CASZ1: variants seen among roughly 807,000 people sequenced by gnomAD.
The protein encoded by CASZ1 is castor zinc finger 1, also known as zinc finger protein castor homolog 1.
In CASZ1, 28 loss-of-function variants were observed where a neutral mutation model predicts 135.2. The observed-to-expected ratio is 0.21, with a 90% CI of 0.15 to 0.28. The LOEUF (loss-of-function observed/expected upper bound fraction) is 0.28. Ranked by LOEUF, CASZ1 falls within the 10% of genes least tolerant of loss-of-function variation. The pLI, the probability that CASZ1 is intolerant of heterozygous loss-of-function variation, is 1.00. For missense variants in CASZ1, 2,161 were observed against 2,453.3 expected (o/e 0.88, Z 2.52); for synonymous variants, 1,068 against 1,073.4 (o/e 0.99, Z 0.10).
intron 1 of CASZ1, among the ~76,000 whole-genome samples, chr1:10,768,634 T>G (rs1398405622): frequency 6.6e-6 from 1 of 150,826 alleles, no homozygotes; most frequent in East Asian, 2.0e-4. Flanking sequence ...CTGGGGGGAG[T>G]GGCCCCTCCT....
At position 10,777,745 on chromosome 1, in the gene CASZ1, C is replaced by A. The variant is rs1457245940; in HGVS notation, c.-233-16888G>T. On this transcript the variant is annotated intron_variant, in intron 1 of 20. Transcript: ENST00000377022. This position sits in a 1 kb window ranked among gnomAD's most constrained non-coding sequence, Gnocchi z 4.4. ...AAAACCACATACCACGTTACAATCACACACAATCCCATACACACCCACTCA... is the reference window on the plus strand; with the variant it reads ...AAAACCACATACCACGTTACAATCAAACACAATCCCATACACACCCACTCA... Among the ~76,000 whole-genome samples the A allele has an allele frequency of 6.6e-6, 1 of 151,800 alleles. No individual in the cohort carries two copies. Among genetic ancestry groups the A allele is most frequent in the South Asian group, 2.1e-4 (1 of 4,810 alleles).
chr1:10,697,577 G>A lies in CASZ1; in HGVS notation c.-23-3665C>T, dbSNP rs940595275. 3.3e-5 allele frequency among the ~76,000 whole-genome samples: 5 copies of A among 151,678 alleles called. No homozygotes were observed. The highest frequency in any genetic ancestry group is 9.7e-5 in the African/African-American group (4 of 41,190). On this transcript the variant is annotated intron_variant, in intron 3 of 20. Transcript: ENST00000377022. The surrounding 1 kb of genome is among the most constrained non-coding windows in gnomAD (Gnocchi z 4.7). ...CTGCCCTTCCTGTCACACTGCTATC[G>A]CTGGTTCCTGTTACCCCCCCCGCAC...
At chr1:10,705,071 G>A (rs528148837) in intron 3 of CASZ1, among the ~76,000 whole-genome samples, 13 of 152,336 alleles carry the variant, frequency 8.5e-5, no homozygotes, top group Admixed American at 7.8e-4. Context: ...TGGGGCCTTC[G>A]AGTCCATGCG....
At chr1:10,766,265 A>G (rs1042901034) in intron 1 of CASZ1, among the ~76,000 whole-genome samples, 8 of 152,178 alleles carry the variant, frequency 5.3e-5, no homozygotes, top group Non-Finnish European at 1.2e-4. Flanking sequence ...GCAACATGCC[A>G]CTGTGGTTAA....
In CASZ1 at chr1:10,649,013, A is replaced by G. The variant is rs536343191; in HGVS notation, c.3158+57T>C. On this transcript the variant is annotated intron_variant, in intron 15 of 20. Transcript: ENST00000377022. ...TACCAGCCTGAGCCCCACCCACCCC[A>G]GAGCCAGGCTGGGATCCGTGGGGCT... 1.2e-4 allele frequency: 194 copies of G among 1,593,014 alleles called. No individual in the cohort carries two copies. The African/African-American group carries it at 2.1e-3, about 18-fold the overall frequency.
Position 10,660,468 on chromosome 1 carries a change from C to G in CASZ1, c.574G>C (p.Asp192His). 6.2e-7 allele frequency: 1 copy of G among 1,614,154 alleles called. No individual in the cohort carries two copies. Among genetic ancestry groups the G allele is most frequent in the Non-Finnish European group, 8.5e-7 (1 of 1,180,016 alleles). The change falls in exon 6 of 21, where the codon GAT becomes CAT. Residue 192 changes from aspartate (D) to histidine (H), a missense_variant. Coordinates refer to ENST00000377022, the MANE Select transcript of CASZ1 (RefSeq NM_001079843.3). ...MTEFLGMFGY[D>H]DQNTRDELAR... ...AGCTCGTCCCGCGTGTTCTGGTCAT[C>G]ATAGCCAAACATGCCGAGGAACTCG...
chr1:10,712,064 G>C (rs896894965), intron 2 of CASZ1, among the ~76,000 whole-genome samples: 1 of 152,196 alleles, frequency 6.6e-6, no homozygotes, highest in African/African-American at 2.4e-5. Context: ...AGTGATTACA[G>C]GCCGGGCGTG....
intron 1 of CASZ1, among the ~76,000 whole-genome samples, chr1:10,785,328 G>GA (rs1640841280): frequency 7.0e-6 from 1 of 142,904 alleles, no homozygotes; most frequent in African/African-American, 2.6e-5. Flanking sequence ...TTCTTTCTTA[G>GA]AAAAAAGCAT....
Position 10,711,580 on chromosome 1 carries a change from G to T in CASZ1, c.-76-6036C>A, listed in dbSNP as rs1639286481. On this transcript the variant is annotated intron_variant, in intron 2 of 20. Coordinates refer to ENST00000377022, the MANE Select transcript of CASZ1 (RefSeq NM_001079843.3). The surrounding 1 kb of genome is among the most constrained non-coding windows in gnomAD (Gnocchi z 4.4). ...ATATACCAGAAAAAATGGAAAACAG[G>T]TACTCAAAAAAAAAAAAAAAAGAAA... is the stretch of plus-strand genomic sequence containing the variant. Among the ~76,000 whole-genome samples, 1 of 139,690 alleles carries T rather than the reference G, an allele frequency of 7.2e-6. No individual in the cohort carries two copies. Among genetic ancestry groups the T allele is most frequent in the African/African-American group, 2.8e-5 (1 of 35,596 alleles). 91.6% of individuals were successfully genotyped at this position (139,690 alleles called of 152,430 possible).
intron 1 of CASZ1, among the ~76,000 whole-genome samples, chr1:10,770,559 G>C (rs1038419441): frequency 6.6e-6 from 1 of 152,068 alleles, no homozygotes; most frequent in Non-Finnish European, 1.5e-5. Flanking sequence ...CCCTAGCTGC[G>C]GGGTGGTGAA....
intron 2 of CASZ1, among the ~76,000 whole-genome samples, chr1:10,745,081 G>T (rs1332892190): frequency 1.3e-5 from 2 of 152,204 alleles, no homozygotes; most frequent in African/African-American, 4.8e-5. Context: ...GTCACCATTT[G>T]CTTTGCTTGA....
rs1385261391 is a variant in CASZ1, at chr1:10,788,605, C to A, written c.-234+7959G>T. 6.6e-6 allele frequency among the ~76,000 whole-genome samples: 1 copy of A among 152,218 alleles called. No homozygotes were observed. The highest frequency in any genetic ancestry group is 1.5e-5 in the Non-Finnish European group (1 of 68,038). ...GACTGCCCGCCGTCAAACCAAGGCT[C>A]AGCAGTGCCTCACACCCAGGTGGCC... On this transcript the variant is annotated intron_variant, in intron 1 of 20. Coordinates refer to ENST00000377022, the MANE Select transcript of CASZ1 (RefSeq NM_001079843.3). The surrounding 1 kb of genome is among the most constrained non-coding windows in gnomAD (Gnocchi z 4.1).
chr1:10,754,155 C>G (rs149354837), intron 2 of CASZ1, among the ~76,000 whole-genome samples: 17 of 152,360 alleles, frequency 1.1e-4, no homozygotes, highest in Middle Eastern at 3.4e-3. Flanking sequence ...GCAGTGACCC[C>G]TTCCCTGGGA....
At chr1:10,728,553 T>C (rs1639637581) in intron 2 of CASZ1, among the ~76,000 whole-genome samples, 2 of 152,232 alleles carry the variant, frequency 1.3e-5, no homozygotes, top group African/African-American at 4.8e-5. Flanking sequence ...TACTGGCCTC[T>C]TGCTCTCTTT....
rs908049710 is a variant in CASZ1, at chr1:10,709,613, C to A, written c.-76-4069G>T. Among the ~76,000 whole-genome samples the A allele has an allele frequency of 2.0e-5, 3 of 150,830 alleles. No homozygotes were observed. Among genetic ancestry groups the A allele is most frequent in the South Asian group, 2.1e-4 (1 of 4,702 alleles). On this transcript the variant is annotated intron_variant, in intron 2 of 20. Coordinates refer to ENST00000377022, the MANE Select transcript of CASZ1 (RefSeq NM_001079843.3). The surrounding 1 kb of genome is among the most constrained non-coding windows in gnomAD (Gnocchi z 5.1). ...AAAAGAGTGAAAAAGAAAGAGAGAG[C>A]GGGAGAGGGGGAGAGAGAGAGAGGG...
At chr1:10,715,051 G>A (rs6660497) in intron 2 of CASZ1, among the ~76,000 whole-genome samples, 1 of 152,168 alleles carries the variant, frequency 6.6e-6, no homozygotes, top group Non-Finnish European at 1.5e-5. Context: ...GGGAGCACAC[G>A]GGCTCCACCT....
intron 2 of CASZ1, among the ~76,000 whole-genome samples, chr1:10,718,160 C>T (rs552367381): frequency 1.3e-4 from 20 of 152,286 alleles, no homozygotes; most frequent in African/African-American, 4.8e-4. Flanking sequence ...CAGCAGGGCT[C>T]GGCTCTGCTA....
At position 10,649,421 on chromosome 1, in the gene CASZ1, G is replaced by A; in HGVS notation, c.2897C>T (p.Pro966Leu). 1 of 1,610,140 alleles carries A rather than the reference G, an allele frequency of 6.2e-7. No homozygotes were observed. The highest frequency in any genetic ancestry group is 1.7e-5 in the Admixed American group (1 of 59,856). The change falls in exon 14 of 21, where the codon CCT (proline) becomes CTT (leucine). Residue 966 changes from proline (P) to leucine (L), a missense_variant. Physicochemically the swap from Pro to Leu is moderately conservative, Grantham distance 98. Coordinates refer to ENST00000377022, the MANE Select transcript of CASZ1 (RefSeq NM_001079843.3). Reference sequence around the variant, plus strand: ...GATGTTCAGCAGGCTGCCCAGGCCAGGGTTGCCCTGAGACATCTGTGAGGG... The same window carrying A: ...GATGTTCAGCAGGCTGCCCAGGCCAAGGTTGCCCTGAGACATCTGTGAGGG... ...SLMNKMSQGN[P>L]GLGSLLNIKA...
At chr1:10,772,950 G>A (rs1640601328) in intron 1 of CASZ1, among the ~76,000 whole-genome samples, 1 of 152,148 alleles carries the variant, frequency 6.6e-6, no homozygotes, top group African/African-American at 2.4e-5. Context: ...CCACATGGTG[G>A]AGGATGGGGG....
Sources: gnomAD v4.1 joint callset for allele counts (sites outside exome capture counted in the v4.1 genomes callset) on GRCh38, gnomAD v4.1.1 for gene constraint, Gnocchi (gnomAD v3.1) non-coding constraint, MANE v1.5 for transcripts, NCBI Gene and HGNC (gene_info 2026-07-23, HGNC 2026-07-21) for gene names.